AHNAK: variants seen among roughly 807,000 people sequenced by gnomAD.
The protein encoded by AHNAK is AHNAK nucleoprotein, also known as neuroblast differentiation-associated protein AHNAK.
A neutral mutation model predicts 37.8 loss-of-function variants in AHNAK; 23 were observed. The ratio of observed to expected loss-of-function variants is 0.61; its 90% confidence interval spans 0.44 to 0.86. The LOEUF (loss-of-function observed/expected upper bound fraction) is 0.86, where lower values mean the gene tolerates loss of function less well. Among genes scored for constraint, AHNAK ranks in the 40% least tolerant of loss-of-function variants. The pLI is 0.00. For missense variants in AHNAK, 7,411 were observed against 7,319.4 expected, an observed-to-expected ratio of 1.01 and a Z score of -0.46; for synonymous variants, 2,481 against 2,636.3, an observed-to-expected ratio of 0.94 and a Z score of 1.80.
chr11:62,528,841 T>C lies in AHNAK; in HGVS notation c.5576A>G (p.Asp1859Gly). 1 of 1,613,246 alleles carries C rather than the reference T, an allele frequency of 6.2e-7. No homozygotes were observed. The highest frequency in any genetic ancestry group is 8.5e-7 in the Non-Finnish European group (1 of 1,179,782). The stretch of plus-strand genomic sequence containing the variant: ...GGGGCCTTTCAGGTGTAAGTCCACA[T>C]CAGGCATGGAGATCTTGGGGGCCTT... ...HFKAPKISMP[D>G]VDLHLKGPKV... Residue 1859 changes from aspartate (D) to glycine (G), a missense_variant, in exon 5 of 5, where the codon GAT becomes GGT. Coordinates refer to ENST00000378024, the MANE Select transcript of AHNAK (RefSeq NM_001620.3).
intron 5 of AHNAK, among the ~76,000 whole-genome samples, chr11:62,488,145 C>T (rs11827029): frequency 0.14 from 22,058 of 152,206 alleles, 3,927 homozygotes; most frequent in African/African-American, 0.42. Context: ...TGCAAAGGTG[C>T]TCAGTAAATA....
Position 62,526,286 on chromosome 11 carries a change from C to T in AHNAK, c.8131G>A (p.Asp2711Asn), listed in dbSNP as rs2134219406. 6.2e-7 allele frequency: 1 copy of T among 1,613,900 alleles called. No individual in the cohort carries two copies. Among genetic ancestry groups the T allele is most frequent in the East Asian group, 2.2e-5 (1 of 44,868 alleles). Residue 2711 changes from aspartate to asparagine, a missense_variant, in exon 5 of 5, where the codon GAT becomes AAT. Physicochemically the swap from Asp to Asn is conservative, Grantham distance 23 (BLOSUM62 1). Transcript: ENST00000378024. ...NIKAPKISMPDIDLNLKGPKV... is the reference protein window; with the variant it reads ...NIKAPKISMPNIDLNLKGPKV... ...GGTCCTTTCAGGTTTAAGTCAATAT[C>T]AGGCATGGAGATCTTGGGGGCTTTG...
intron 5 of AHNAK, among the ~76,000 whole-genome samples, chr11:62,460,987 A>ATTTTTTTTTT (rs58443970): frequency 5.1e-3 from 525 of 103,408 alleles, no homozygotes; most frequent in African/African-American, 0.012. Flanking sequence ...GGCCTGGCTA[A>ATTTTTTTTTT]TTTTTTTTTT....
In AHNAK at chr11:62,519,021, T is replaced by A. The variant is rs1466597131; in HGVS notation, c.15396A>T (p.Glu5132Asp). The change falls in exon 5 of 5, where the codon GAA (glutamate) becomes GAT (aspartate). Residue 5132 changes from glutamate (E) to aspartate (D), a missense_variant. Physicochemically the swap from Glu to Asp is conservative, Grantham distance 45. Coordinates refer to ENST00000378024, the MANE Select transcript of AHNAK (RefSeq NM_001620.3). ...GAGCCTTCGCCTTGATGTCAAGACCTTCGACGTGAATCGCTGGCAAAGAAA... is the reference window on the plus strand; with the variant it reads ...GAGCCTTCGCCTTGATGTCAAGACCATCGACGTGAATCGCTGGCAAAGAAA... ...LELSLPAIHV[E>D]GLDIKAKAPK... 6.2e-7 allele frequency: 1 copy of A among 1,613,458 alleles called. No individual in the cohort carries two copies. The highest frequency in any genetic ancestry group is 2.2e-5 in the East Asian group (1 of 44,874).
At chr11:62,541,646 G>A (rs1009734531) in intron 1 of AHNAK, among the ~76,000 whole-genome samples, 3 of 152,334 alleles carry the variant, frequency 2.0e-5, no homozygotes, top group South Asian at 4.1e-4. Context: ...GCTCTGATGT[G>A]CCAGGGACTG....
Position 62,535,115 on chromosome 11 carries a change from A to G in AHNAK, c.230T>C (p.Met77Thr). Residue 77 changes from methionine to threonine, a missense_variant, in exon 4 of 5, where the codon ATG becomes ACG. Physicochemically the swap from Met to Thr is moderately conservative, Grantham distance 81. Transcript: ENST00000378024. ...CTTCAGGCCCACCGTGTGGTGCCCC[A>G]TGGTGTTCAGCAGCTGGGTCACCTC... ...SGEVTQLLNT[M>T]GHHTVGLKLH... 6.2e-7 allele frequency: 1 copy of G among 1,613,918 alleles called. No homozygotes were observed. Among genetic ancestry groups the G allele is most frequent in the Non-Finnish European group, 8.5e-7 (1 of 1,179,874 alleles).
chr11:62,476,123 C>T (rs537287105), intron 5 of AHNAK, among the ~76,000 whole-genome samples: 8 of 152,276 alleles, frequency 5.3e-5, no homozygotes, highest in African/African-American at 1.9e-4. Context: ...GCATACAGTG[C>T]AGTGGTGGTA....
At position 62,530,690 on chromosome 11, in the gene AHNAK, C is replaced by T. The variant is rs772201858; in HGVS notation, c.3727G>A (p.Val1243Met). ...GPKMDIDAPDVEVQGPDWHLK... is the reference protein window; with the variant it reads ...GPKMDIDAPDMEVQGPDWHLK... ...TGCCAGTCTGGGCCTTGAACCTCCA[C>T]ATCTGGGGCATCAATGTCCATTTTG... Residue 1243 changes from valine to methionine, a missense_variant, in exon 5 of 5, where the codon GTG becomes ATG. By Grantham distance (21) the Val-to-Met change is conservative. Transcript: ENST00000378024. The T allele has an allele frequency of 3.7e-6, 6 of 1,613,726 alleles. No homozygotes were observed. Among genetic ancestry groups the T allele is most frequent in the East Asian group, 2.2e-5 (1 of 44,876 alleles).
intron 4 of AHNAK, chr11:62,491,941 C>T: frequency 1.1e-6 from 1 of 949,560 alleles, no homozygotes; most frequent in Non-Finnish European, 1.6e-6. Flanking sequence ...CCACGTTTAC[C>T]ACTACCACCC....
chr11:62,517,816 A>T lies in AHNAK; in HGVS notation c.16601T>A (p.Phe5534Tyr), dbSNP rs1185007496. The T allele has an allele frequency of 1.9e-6, 3 of 1,614,208 alleles. No individual in the cohort carries two copies. In the South Asian group the frequency reaches 3.3e-5, roughly 18 times the overall value. The change falls in exon 5 of 5, where the codon TTC becomes TAC. Residue 5534 changes from phenylalanine (F) to tyrosine (Y), a missense_variant. Phe to Tyr is a conservative substitution (Grantham distance 22, BLOSUM62 3). Coordinates refer to ENST00000378024, the MANE Select transcript of AHNAK (RefSeq NM_001620.3). The part of the protein sequence containing the change: ...KGGLKGSEVG[F>Y]HGAAPDISVK... ...ACTGATATCAGGAGCAGCCCCATGG[A>T]AACCTACTTCTGAACCTTTCAGACC...
At position 62,522,855 on chromosome 11, in the gene AHNAK, T is replaced by C. The variant is rs1424269468; in HGVS notation, c.11562A>G (p.Gly3854=). Residue 3854 remains glycine (G), a synonymous_variant, in exon 5 of 5, where the codon GGA becomes GGG. Transcript: ENST00000378024. ...TCTTGAATTTGGGACCTTTCAACTT[T>C]CCCTCTGGGCCTTCGATATTCACAT... is the stretch of plus-strand genomic sequence containing the variant. The part of the protein sequence containing the change: ...VPDVNIEGPE[G]KLKGPKFKMP... 9 of 1,610,440 alleles carry C rather than the reference T, an allele frequency of 5.6e-6. No homozygotes were observed. Among genetic ancestry groups the C allele is most frequent in the East Asian group, 2.2e-5 (1 of 44,642 alleles).
chr11:62,445,223 T>A (rs1042614917), intron 5 of AHNAK, among the ~76,000 whole-genome samples: 2 of 152,196 alleles, frequency 1.3e-5, no homozygotes, highest in African/African-American at 4.8e-5. Flanking sequence ...TACAGAGCTA[T>A]TGTCAATCAA....
At chr11:62,462,671 AG>A (rs1938817989) in intron 5 of AHNAK, among the ~76,000 whole-genome samples, 1 of 152,254 alleles carries the variant, frequency 6.6e-6, no homozygotes, top group African/African-American at 2.4e-5. Flanking sequence ...CCTAATCTTA[AG>A]GATCAGTTAT....
chr11:62,471,671 A>T (rs553733899), intron 5 of AHNAK, among the ~76,000 whole-genome samples: 1 of 152,108 alleles, frequency 6.6e-6, no homozygotes, highest in Non-Finnish European at 1.5e-5. Context: ...ACATGTTGCA[A>T]ATGGGGAAGG....
chr11:62,526,342 C>T lies in AHNAK; in HGVS notation c.8075G>A (p.Gly2692Glu). The change falls in exon 5 of 5, where the codon GGG becomes GAG. Residue 2692 changes from glycine (G) to glutamate (E), a missense_variant. Gly to Glu is a moderately conservative substitution (Grantham distance 98). Coordinates refer to ENST00000378024, the MANE Select transcript of AHNAK (RefSeq NM_001620.3). ...NIEGPEGKLK[G>E]PKFKMPEMNI... ...CATCTCTGGCATCTTGAACTTAGGC[C>T]CTTTCAACTTTCCCTCTGGTCCTTC... 1 of 1,611,966 alleles carries T rather than the reference C, an allele frequency of 6.2e-7. No homozygotes were observed. Among genetic ancestry groups the T allele is most frequent in the Non-Finnish European group, 8.5e-7 (1 of 1,179,498 alleles).
chr11:62,510,458 T>C (rs1207318024), intron 4 of AHNAK, among the ~76,000 whole-genome samples: 2 of 151,998 alleles, frequency 1.3e-5, no homozygotes, highest in Non-Finnish European at 1.5e-5. Flanking sequence ...ATAACACCTA[T>C]ATGAGCCAGG....
rs1555028323 is a variant in AHNAK, at chr11:62,510,776, T to TATATATATATATATATATATATATATAC, written c.343-18946_343-18945insGTATATATATATATATATATATATATAT. On this transcript the variant is annotated intron_variant, in intron 4 of 5. Transcript: ENST00000257247. Reference sequence around the variant, plus strand: ...CAAACAAAAAAACCATATATATATATATGTATATGTAGAGAGACAGAGAGA... The same window carrying TATATATATATATATATATATATATATAC: ...CAAACAAAAAAACCATATATATATATATATATATATATATATATATATATATACATGTATATGTAGAGAGACAGAGAGA... 1.7e-4 allele frequency among the ~76,000 whole-genome samples: 26 copies of TATATATATATATATATATATATATATAC among 150,706 alleles called. 1 individual carries two copies. The highest frequency in any genetic ancestry group is 6.2e-4 in the African/African-American group (25 of 40,272).
chr11:62,441,022 CA>C, intron 5 of AHNAK, among the ~76,000 whole-genome samples: 1 of 150,314 alleles, frequency 6.7e-6, no homozygotes, highest in Non-Finnish European at 1.5e-5. Flanking sequence ...TTTTTTGAGA[CA>C]AGAGTTTCAC....
chr11:62,454,720 G>A (rs994597955), intron 5 of AHNAK, among the ~76,000 whole-genome samples: 7 of 151,954 alleles, frequency 4.6e-5, no homozygotes, highest in African/African-American at 1.7e-4. Flanking sequence ...AGTGGGAGGG[G>A]GAGGAGAAGA....
Sources: gnomAD v4.1 joint callset for allele counts (sites outside exome capture counted in the v4.1 genomes callset) on GRCh38, gnomAD v4.1.1 for gene constraint, MANE v1.5 for transcripts, NCBI Gene and HGNC (gene_info 2026-07-23, HGNC 2026-07-21) for gene names.